Variants in CEP63 observed in about 807,000 individuals in gnomAD.
CEP63 encodes the protein centrosomal protein 63.
Under a neutral mutation model 89.1 loss-of-function variants are expected in CEP63, and 84 were observed. That is an observed-to-expected ratio of 0.94 (90% CI 0.79 to 1.13). The LOEUF (loss-of-function observed/expected upper bound fraction) is 1.13. CEP63 is among the 50% of genes most tolerant of loss of function. The probability of loss-of-function intolerance (pLI) is 0.00; values close to 1 mark genes in which losing one functional copy is unlikely to be tolerated. For synonymous variants in CEP63, 267 were observed against 272.5 expected, an observed-to-expected ratio of 0.98 and a Z score of 0.20; for missense variants, 838 against 813.3, an observed-to-expected ratio of 1.03 and a Z score of -0.37.
At chr3:134,782,009 A>G in the CEP63 span, among the ~76,000 whole-genome samples, 1 of 152,198 alleles carries the variant, frequency 6.6e-6, no homozygotes, top group African/African-American at 2.4e-5. Context: ...CATGAAATGT[A>G]ATGTTTTCTC....
chr3:134,657,386 G>C, the CEP63 span, among the ~76,000 whole-genome samples: 1 of 152,052 alleles, frequency 6.6e-6, no homozygotes, highest in East Asian at 1.9e-4. Flanking sequence ...CATATCAATA[G>C]GTGTGAAATA....
chr3:134,555,803 C>T (rs2110023842), intron 12 of CEP63, among the ~76,000 whole-genome samples: 1 of 152,026 alleles, frequency 6.6e-6, no homozygotes, highest in Non-Finnish European at 1.5e-5. Flanking sequence ...CAAAAAAGAG[C>T]CCGCATCGCC....
chr3:134,701,288 ATATATGTGTATATATACG>A, the CEP63 span, among the ~76,000 whole-genome samples: 2 of 66,984 alleles, frequency 3.0e-5, no homozygotes, highest in Non-Finnish European at 8.9e-5. Flanking sequence ...ATATATACGT[ATATATGTGTATATATACG>A]TATATATGTG....
chr3:134,754,754 A>G, the CEP63 span, among the ~76,000 whole-genome samples: 26 of 152,170 alleles, frequency 1.7e-4, 2 homozygotes, highest in Non-Finnish European at 2.9e-5. Context: ...AATGTATGCC[A>G]TACTTTTGTC....
At chr3:134,485,980 G>T, upstream of CEP63, 1 of 927,196 alleles carries the variant, frequency 1.1e-6, no homozygotes, top group Non-Finnish European at 1.2e-6. Context: ...GCAGACGCTT[G>T]CTCCTGCCAC....
the CEP63 span, among the ~76,000 whole-genome samples, chr3:134,752,880 G>T: frequency 6.6e-6 from 1 of 152,070 alleles, no homozygotes; most frequent in African/African-American, 2.4e-5. Flanking sequence ...CCCTGCTTCA[G>T]CTTGCTGGTG....
At chr3:134,606,645 G>A in the CEP63 span, among the ~76,000 whole-genome samples, 2 of 152,166 alleles carry the variant, frequency 1.3e-5, no homozygotes, top group Non-Finnish European at 2.9e-5. Flanking sequence ...GGGCTCTGTG[G>A]TGAAGGGGCT....
chr3:134,641,297 TG>T, the CEP63 span: 4 of 152,174 alleles, frequency 2.6e-5, no homozygotes, highest in African/African-American at 9.7e-5. Context: ...TTACCTAATA[TG>T]GTAAAGAGGA....
At chr3:134,506,918 C>CAAAAAAA (rs1229943667) in intron 2 of CEP63, among the ~76,000 whole-genome samples, 191 bp from the exon 3 acceptor site, 2 of 24,264 alleles carry the variant, frequency 8.2e-5, no homozygotes, top group Non-Finnish European at 1.8e-4. Context: ...AACTCCATCT[C>CAAAAAAA]AAAAAAAAAA....
At chr3:134,733,300 C>G in the CEP63 span, among the ~76,000 whole-genome samples, 4 of 151,768 alleles carry the variant, frequency 2.6e-5, no homozygotes, top group African/African-American at 9.7e-5. Context: ...TACTTGGAAA[C>G]TTACTCCAGA....
At chr3:134,602,490 C>A in the CEP63 span, among the ~76,000 whole-genome samples, 1 of 152,198 alleles carries the variant, frequency 6.6e-6, no homozygotes. Context: ...TGCTCTCGTG[C>A]AGCTGGAATT....
chr3:134,719,373 G>C, the CEP63 span, among the ~76,000 whole-genome samples: 6 of 152,062 alleles, frequency 3.9e-5, no homozygotes, highest in African/African-American at 1.4e-4. Flanking sequence ...CAATCCCCAG[G>C]TGATCTGTGT....
the CEP63 span, among the ~76,000 whole-genome samples, chr3:134,602,936 G>A: frequency 2.0e-5 from 3 of 152,204 alleles, no homozygotes; most frequent in Admixed American, 6.5e-5. Context: ...TGTTGGAGAC[G>A]ATCAGCTTCC....
At chr3:134,555,879 C>T (rs1245419071) in intron 12 of CEP63, among the ~76,000 whole-genome samples, 1 of 151,984 alleles carries the variant, frequency 6.6e-6, no homozygotes. Context: ...AACTATACTA[C>T]AAGGCTACAG....
the CEP63 span, among the ~76,000 whole-genome samples, chr3:134,752,411 G>A: frequency 1.3e-5 from 2 of 152,272 alleles, no homozygotes; most frequent in African/African-American, 4.8e-5. Context: ...TCCCTGTCAA[G>A]GAGAGGGAAG....
chr3:134,623,838 C>A, the CEP63 span, among the ~76,000 whole-genome samples: 3 of 152,066 alleles, frequency 2.0e-5, no homozygotes, highest in South Asian at 4.2e-4. Flanking sequence ...CCTCCCTGGA[C>A]CTTCCAGAAC....
At chr3:134,715,457 G>A in the CEP63 span, among the ~76,000 whole-genome samples, 1 of 151,932 alleles carries the variant, frequency 6.6e-6, no homozygotes, top group South Asian at 2.1e-4. Context: ...GGTAATGCCT[G>A]CGCACTTGCA....
chr3:134,491,799 C>G (rs1229799748), intron 1 of CEP63, among the ~76,000 whole-genome samples: 1 of 152,174 alleles, frequency 6.6e-6, no homozygotes, highest in Non-Finnish European at 1.5e-5. Flanking sequence ...GGTACAGGGA[C>G]AGAGAGCATT....
At chr3:134,490,570 ATTTT>A (rs1235518451) in intron 1 of CEP63, among the ~76,000 whole-genome samples, 4 of 151,574 alleles carry the variant, frequency 2.6e-5, no homozygotes, top group Non-Finnish European at 5.9e-5. Flanking sequence ...GATTTATTTT[ATTTT>A]GTTTCCAATT....
Sources: allele counts gnomAD v4.1 joint callset (sites outside exome capture counted in the v4.1 genomes callset), GRCh38; gene constraint gnomAD v4.1.1; transcripts MANE v1.5; gene names NCBI Gene and HGNC (gene_info 2026-07-23, HGNC 2026-07-21).